Variants in TLE6 observed in about 807,000 individuals in gnomAD.
TLE6 encodes TLE family member 6, subcortical maternal complex member, also known as transducin-like enhancer protein 6.
A neutral mutation model predicts 77.1 loss-of-function variants in TLE6; 72 were observed. The ratio of observed to expected loss-of-function variants is 0.93; its 90% confidence interval spans 0.77 to 1.14. The LOEUF is 1.14. TLE6 is among the 50% of genes most tolerant of loss of function. TLE6 has a pLI of 0.00. For synonymous variants in TLE6, 366 were observed against 287.3 expected (o/e 1.27, Z -2.77); for missense variants, 843 against 747.6 (o/e 1.13, Z -1.49).
intron 10 of TLE6, 30 bp downstream of exon 10, chr19:2,988,004 G>C (rs751153956): frequency 4.4e-6 from 7 of 1,600,804 alleles, no homozygotes; most frequent in Non-Finnish European, 4.3e-6. Flanking sequence ...TGGTAGCCCA[G>C]CGTGAAGGCT....
Position 2,993,530 on chromosome 19 carries a change from C to T in TLE6, c.1485C>T (p.His495=), listed in dbSNP as rs747046146. 1.3e-5 allele frequency: 21 copies of T among 1,590,340 alleles called. No homozygotes were observed. The African/African-American group carries it at 1.5e-4, about 11-fold the overall frequency. The change falls in exon 15 of 17, where the codon CAC becomes CAT. Residue 495 remains histidine (H), a synonymous_variant. Coordinates refer to ENST00000246112, the MANE Select transcript of TLE6 (RefSeq NM_001143986.2). ...AAAGCACCAGCGGGAGCCAGCGGCA[C>T]ATGGTGGGGCAAAAAGACAGCGTCA... ...WLQSTSGSQR[H]MVGQKDSVIL...
intron 14 of TLE6, among the ~76,000 whole-genome samples, chr19:2,992,641 G>A (rs1415794815): frequency 6.6e-6 from 1 of 151,790 alleles, no homozygotes; most frequent in African/African-American, 2.4e-5. Flanking sequence ...TGAGCATGGT[G>A]GCACGTACCT....
chr19:2,995,060 C>CCG lies in TLE6; in HGVS notation c.*57_*58insGC, dbSNP rs1555687642. On this transcript the variant is annotated 3_prime_UTR_variant, in exon 17 of 17. Coordinates refer to ENST00000246112, the MANE Select transcript of TLE6 (RefSeq NM_001143986.2). The stretch of plus-strand genomic sequence containing the variant: ...TCCTCTTTTCATCCCCCCCCTTCCC[C>CCG]CCCCCCAACAAGGGGGACATGGTGG... 8.8e-6 allele frequency: 9 copies of CCG among 1,027,342 alleles called. No homozygotes were observed. Among genetic ancestry groups the CCG allele is most frequent in the East Asian group, 5.2e-5 (2 of 38,138 alleles). 63.6% of individuals were successfully genotyped at this position (1,027,342 alleles called of 1,614,324 possible).
intron 14 of TLE6, among the ~76,000 whole-genome samples, chr19:2,993,080 G>A (rs62125439): frequency 0.35 from 52,172 of 147,492 alleles, 10,935 homozygotes; most frequent in Middle Eastern, 0.51. Flanking sequence ...GCATGGTGGC[G>A]CATGCCTGTA....
chr19:2,989,066 G>T lies in TLE6; in HGVS notation c.746G>T (p.Trp249Leu). Residue 249 changes from tryptophan (W) to leucine (L), a missense_variant, in exon 12 of 17, where the codon TGG (tryptophan) becomes TTG (leucine). Transcript: ENST00000246112. ...RASRFLQSIS[W>L]DPEDFEDAWK... ...CCAAGGCCTCCCCTCCCAAGATCCT[G>T]GGACCCTGAGGACTTTGAAGATGCA... 1 of 1,613,118 alleles carries T rather than the reference G, an allele frequency of 6.2e-7. No individual in the cohort carries two copies. The highest frequency in any genetic ancestry group is 1.3e-5 in the African/African-American group (1 of 75,038).
Position 2,978,227 on chromosome 19 carries a change from C to G in TLE6, c.-7C>G. On this transcript the variant is annotated 5_prime_UTR_variant, in exon 2 of 17. Transcript: ENST00000246112. ...TGGCTAAAGTCTTGGAGGCTACTGCCTTGAAGATGACCTCTAGGGACCAGC... is the reference window on the plus strand; with the variant it reads ...TGGCTAAAGTCTTGGAGGCTACTGCGTTGAAGATGACCTCTAGGGACCAGC... 1 of 1,551,458 alleles carries G rather than the reference C, an allele frequency of 6.4e-7. No individual in the cohort carries two copies. Among genetic ancestry groups the G allele is most frequent in the Non-Finnish European group, 8.7e-7 (1 of 1,146,972 alleles).
rs1185366232 is a variant in TLE6 at position 2,993,325 on chromosome 19, A to C, written c.1387-107A>C. The C allele has an allele frequency of 3.3e-6, 4 of 1,200,650 alleles. No individual in the cohort carries two copies. The East Asian group carries it at 1.1e-4, about 33-fold the overall frequency. The allele number at this position is 1,200,650 out of a possible 1,614,324, so 74.4% of individuals were successfully genotyped here. ...TTGTCCCAGGGCTGCACAGCTAGGAAGGGGTCAGTCACCCGGCCTCCAGGA... is the reference window on the plus strand; with the variant it reads ...TTGTCCCAGGGCTGCACAGCTAGGACGGGGTCAGTCACCCGGCCTCCAGGA... On this transcript the variant is annotated intron_variant, in intron 14 of 16. Coordinates refer to ENST00000246112, the MANE Select transcript of TLE6 (RefSeq NM_001143986.2).
intron 14 of TLE6, 31 bp from the exon 15 acceptor site, chr19:2,993,401 G>A (rs1240111546): frequency 1.9e-6 from 3 of 1,577,070 alleles, no homozygotes; most frequent in Non-Finnish European, 2.6e-6. Context: ...GACCTAACCA[G>A]GTTCCTCCCT....
At chr19:2,981,852 C>G (rs1251174180) in intron 4 of TLE6, among the ~76,000 whole-genome samples, 1 of 151,186 alleles carries the variant, frequency 6.6e-6, no homozygotes, top group Non-Finnish European at 1.5e-5. Flanking sequence ...GGTGCCTGTA[C>G]TCCCAGCTAC....
At chr19:2,991,745 C>A in intron 13 of TLE6, 98 bp from the exon 14 acceptor site, 1 of 1,210,902 alleles carries the variant, frequency 8.3e-7, no homozygotes, top group Non-Finnish European at 1.2e-6. Context: ...TGGGTGGTGG[C>A]ACTGTCCCTT....
At position 2,989,187 on chromosome 19, in the gene TLE6, G is replaced by C; in HGVS notation, c.867G>C (p.Val289=). The C allele has an allele frequency of 6.2e-7, 1 of 1,614,144 alleles. No individual in the cohort carries two copies. Among genetic ancestry groups the C allele is most frequent in the African/African-American group, 1.3e-5 (1 of 75,072 alleles). The change falls in exon 12 of 17, where the codon GTG becomes GTC. Residue 289 remains valine (V), a synonymous_variant. Coordinates refer to ENST00000246112, the MANE Select transcript of TLE6 (RefSeq NM_001143986.2). ...GGATCTTGGCACACGGGGAGCTCGT[G>C]CTCGCCACGGCCATCAGCAGCTTCA... ...KMRILAHGEL[V]LATAISSFTR...
In TLE6 at chr19:2,987,955, C is replaced by G; in HGVS notation, c.683C>G (p.Thr228Arg). 1.2e-6 allele frequency: 2 copies of G among 1,610,518 alleles called. No homozygotes were observed. Among genetic ancestry groups the G allele is most frequent in the Non-Finnish European group, 8.5e-7 (1 of 1,177,866 alleles). The change falls in exon 10 of 17, where the codon ACA (threonine) becomes AGA (arginine). Residue 228 changes from threonine to arginine, a missense_variant. Physicochemically the swap from Thr to Arg is moderately conservative, Grantham distance 71. Transcript: ENST00000246112. ...CCTGAGGGTTCCCAAGACAGGAACA[C>G]AAGTTGGGGTGTGGTCCAGGTGAGA... ...SPPEGSQDRN[T>R]SWGVVQEPPG...
intron 2 of TLE6, among the ~76,000 whole-genome samples, chr19:2,979,080 A>G (rs1454619680): frequency 6.6e-6 from 1 of 151,542 alleles, no homozygotes; most frequent in African/African-American, 2.4e-5. Context: ...CCTCCCGAGT[A>G]GCTGGGACTA....
chr19:2,991,725 CAG>C, intron 13 of TLE6, 116 bp from the exon 14 acceptor site: 1 of 955,088 alleles, frequency 1.0e-6, no homozygotes, highest in Admixed American at 2.3e-5. Context: ...TCTGTGCAGG[CAG>C]AGATTTTTGG....
At chr19:2,988,350 A>T (rs1302650265) in intron 11 of TLE6, among the ~76,000 whole-genome samples, 1 of 152,050 alleles carries the variant, frequency 6.6e-6, no homozygotes, top group Admixed American at 6.6e-5. Context: ...TAATCCCAGC[A>T]CTTTGGGAGG....
chr19:2,978,238 C>T lies in TLE6; in HGVS notation c.5C>T (p.Thr2Ile), dbSNP rs1368101249. 3.4e-5 allele frequency: 53 copies of T among 1,551,354 alleles called. No individual in the cohort carries two copies. Among genetic ancestry groups the T allele is most frequent in the Admixed American group, 2.7e-4 (14 of 50,946 alleles). The change falls in exon 2 of 17, where the codon ACC (threonine) becomes ATC (isoleucine). Residue 2 changes from threonine to isoleucine, a missense_variant. Coordinates refer to ENST00000246112, the MANE Select transcript of TLE6 (RefSeq NM_001143986.2). ...TTGGAGGCTACTGCCTTGAAGATGA[C>T]CTCTAGGGACCAGCCCAGACCCAAG... M[T>I]SRDQPRPKGP...
chr19:2,978,404 C>A (rs1460399517), intron 2 of TLE6, 120 bp downstream of exon 2: 6 of 948,386 alleles, frequency 6.3e-6, no homozygotes, highest in Non-Finnish European at 8.2e-6. Flanking sequence ...GAAGACAATA[C>A]TGGTCGCTGC....
chr19:2,993,819 C>T (rs988096466), intron 15 of TLE6, among the ~76,000 whole-genome samples, 200 bp from the exon 16 acceptor site: 5 of 151,262 alleles, frequency 3.3e-5, no homozygotes, highest in African/African-American at 1.2e-4. Context: ...CCCCCTTCAG[C>T]CACTGGTGTC....
At chr19:2,994,124 G>C in intron 16 of TLE6, 29 bp downstream of exon 16, 1 of 1,576,892 alleles carries the variant, frequency 6.3e-7, no homozygotes. Flanking sequence ...GGCAGGACCC[G>C]GGGGTGGCCC....
Sources: gnomAD v4.1 joint callset for allele counts (sites outside exome capture counted in the v4.1 genomes callset) on GRCh38, gnomAD v4.1.1 for gene constraint, MANE v1.5 for transcripts, NCBI Gene and HGNC (gene_info 2026-07-23, HGNC 2026-07-21) for gene names.